The following EXOC6B variants were observed in gnomAD, a reference collection of about 807,000 sequenced individuals.
The protein encoded by EXOC6B is SEC15 homolog B.
In EXOC6B, 54 loss-of-function variants were observed where a neutral mutation model predicts 113.5. That is an observed-to-expected ratio of 0.48 (90% CI 0.38 to 0.60). The LOEUF (loss-of-function observed/expected upper bound fraction) is 0.60, where lower values mean the gene tolerates loss of function less well. EXOC6B is among the 20% of genes least tolerant of loss of function. The pLI is 0.00. For missense variants in EXOC6B, 797 were observed against 977.5 expected (o/e 0.82, Z 2.46); for synonymous variants, 357 against 339.0 (o/e 1.05, Z -0.58).
chr2:72,749,104 T>C (rs1462646090), intron 1 of EXOC6B, among the ~76,000 whole-genome samples: 1 of 152,050 alleles, frequency 6.6e-6, no homozygotes. Flanking sequence ...TATCTTTCAG[T>C]GGTGGTCATG....
intron 6 of EXOC6B, among the ~76,000 whole-genome samples, chr2:72,674,261 C>T (rs1256512715): frequency 6.6e-6 from 1 of 152,162 alleles, no homozygotes; most frequent in Non-Finnish European, 1.5e-5. Context: ...AAGCATACTC[C>T]CAATCTCATT....
At chr2:72,444,568 T>C (rs961382043) in intron 18 of EXOC6B, among the ~76,000 whole-genome samples, 9 of 152,240 alleles carry the variant, frequency 5.9e-5, no homozygotes, top group African/African-American at 2.2e-4. Flanking sequence ...TGCCTGGATA[T>C]CCAGGCATTT....
chr2:72,409,943 C>G (rs539523820), intron 18 of EXOC6B, among the ~76,000 whole-genome samples: 1 of 152,220 alleles, frequency 6.6e-6, no homozygotes, highest in African/African-American at 2.4e-5. Context: ...GAACTAATAA[C>G]AGGGTCCCAC....
At chr2:72,459,546 T>C (rs1351880389) in intron 18 of EXOC6B, among the ~76,000 whole-genome samples, 1 of 152,086 alleles carries the variant, frequency 6.6e-6, no homozygotes. Flanking sequence ...TCACAAGCAT[T>C]CTTATACACC....
At chr2:72,332,531 G>A (rs1441524036) in intron 20 of EXOC6B, among the ~76,000 whole-genome samples, 1 of 151,990 alleles carries the variant, frequency 6.6e-6, no homozygotes, top group Admixed American at 6.6e-5. Context: ...AGATTTAAAG[G>A]GTTAAGGTTA....
In EXOC6B at chr2:72,362,627, C is replaced by G. The variant is rs976116881; in HGVS notation, c.2122+17102G>C. On this transcript the variant is annotated intron_variant, in intron 19 of 21. Transcript: ENST00000272427. The stretch of plus-strand genomic sequence containing the variant: ...AGGTTAAATGAATTGATTCATTCAC[C>G]CTCGTGGCTTGAATTATCATACAAA... Among the ~76,000 whole-genome samples the G allele has an allele frequency of 3.3e-5, 5 of 151,910 alleles. No homozygotes were observed. In the East Asian group the frequency reaches 9.6e-4, roughly 29 times the overall value.
chr2:72,563,898 C>T (rs1317251422), intron 7 of EXOC6B, among the ~76,000 whole-genome samples: 2 of 152,022 alleles, frequency 1.3e-5, no homozygotes, highest in Non-Finnish European at 2.9e-5. Context: ...ATGCATGATG[C>T]CATTCAAGTT....
At chr2:72,695,891 G>C (rs1677838196) in intron 6 of EXOC6B, among the ~76,000 whole-genome samples, 1 of 152,144 alleles carries the variant, frequency 6.6e-6, no homozygotes, top group South Asian at 2.1e-4. Context: ...AATCACATCT[G>C]TCAGGGCTGA....
intron 6 of EXOC6B, among the ~76,000 whole-genome samples, chr2:72,586,794 A>C (rs1187097979): frequency 6.6e-6 from 1 of 152,012 alleles, no homozygotes; most frequent in African/African-American, 2.4e-5. Flanking sequence ...TTCATCAACA[A>C]ACAAAAATAC....
chr2:72,441,983 C>T (rs543925750), intron 18 of EXOC6B, among the ~76,000 whole-genome samples: 3 of 152,304 alleles, frequency 2.0e-5, no homozygotes, highest in African/African-American at 7.2e-5. Context: ...CATTGATGAA[C>T]ATTGATGCAA....
intron 16 of EXOC6B, among the ~76,000 whole-genome samples, chr2:72,482,992 A>G (rs1699197296): frequency 6.6e-6 from 1 of 152,174 alleles, no homozygotes; most frequent in African/African-American, 2.4e-5. Flanking sequence ...CATATACATC[A>G]GCTCTCCTTT....
chr2:72,630,887 T>C (rs1404379540), intron 6 of EXOC6B, among the ~76,000 whole-genome samples: 1 of 152,116 alleles, frequency 6.6e-6, no homozygotes, highest in African/African-American at 2.4e-5. Context: ...CAGGAGGAAG[T>C]AGCAATATGA....
intron 1 of EXOC6B, among the ~76,000 whole-genome samples, chr2:72,813,396 T>A (rs6546785): frequency 0.99 from 151,260 of 152,348 alleles, 75,094 homozygotes; most frequent in East Asian, 1. Flanking sequence ...AAATTTTAAA[T>A]ATCAAATAAC....
chr2:72,540,321 G>T (rs1172238704), intron 8 of EXOC6B, among the ~76,000 whole-genome samples: 1 of 151,798 alleles, frequency 6.6e-6, no homozygotes, highest in Non-Finnish European at 1.5e-5. Flanking sequence ...TTTTTATTTA[G>T]AAATTTCAAC....
At chr2:72,670,023 T>C (rs1022703542) in intron 6 of EXOC6B, among the ~76,000 whole-genome samples, 7 of 152,214 alleles carry the variant, frequency 4.6e-5, no homozygotes, top group African/African-American at 1.7e-4. Context: ...AAATTGTATT[T>C]TGTAGTTTTT....
At chr2:72,774,544 A>T (rs1683585990) in intron 1 of EXOC6B, among the ~76,000 whole-genome samples, 1 of 152,248 alleles carries the variant, frequency 6.6e-6, no homozygotes, top group South Asian at 2.1e-4. Flanking sequence ...CAGTCCAGCC[A>T]ACTGCACTCC....
At chr2:72,802,321 T>C (rs1391288094) in intron 1 of EXOC6B, among the ~76,000 whole-genome samples, 1 of 147,734 alleles carries the variant, frequency 6.8e-6, no homozygotes, top group Admixed American at 6.7e-5. Flanking sequence ...CAAGACTCTG[T>C]CTCAAAAAAA....
intron 20 of EXOC6B, among the ~76,000 whole-genome samples, chr2:72,330,692 G>A (rs1267549563): frequency 6.6e-6 from 1 of 151,904 alleles, no homozygotes; most frequent in Non-Finnish European, 1.5e-5. Context: ...GTTTATATAT[G>A]TCTTATAGCT....
At chr2:72,362,032 C>T (rs566375202) in intron 19 of EXOC6B, among the ~76,000 whole-genome samples, 15 of 152,274 alleles carry the variant, frequency 9.9e-5, no homozygotes, top group African/African-American at 3.6e-4. Flanking sequence ...AAAATCTCTA[C>T]ATTGGTTTCC....
Sources: gnomAD v4.1 joint callset for allele counts (sites outside exome capture counted in the v4.1 genomes callset) on GRCh38, gnomAD v4.1.1 for gene constraint, MANE v1.5 for transcripts, NCBI Gene and HGNC (gene_info 2026-07-23, HGNC 2026-07-21) for gene names.